Variants in UXS1 observed in about 807,000 individuals in gnomAD.
UXS1 encodes UDP-glucuronate decarboxylase 1.
UXS1 carries 33 observed loss-of-function variants against 62.6 expected under a neutral mutation model. The observed-to-expected ratio is 0.53, with a 90% CI of 0.40 to 0.70. The LOEUF is 0.70. UXS1 is among the 30% of genes least tolerant of loss of function. UXS1 has a pLI of 0.00. For missense variants in UXS1, 434 were observed against 556.3 expected (o/e 0.78, Z 2.21); for synonymous variants, 213 against 206.8 (o/e 1.03, Z -0.26).
At chr2:106,187,841 C>T (rs550592105) in intron 1 of UXS1, among the ~76,000 whole-genome samples, 4 of 151,696 alleles carry the variant, frequency 2.6e-5, no homozygotes, top group Non-Finnish European at 5.9e-5. Context: ...TCCGGGTTCA[C>T]GAGATTCTCC....
chr2:106,138,996 G>T, intron 6 of UXS1: 1 of 448,362 alleles, frequency 2.2e-6, no homozygotes, highest in Non-Finnish European at 2.9e-6. Flanking sequence ...AGAGGTGCTA[G>T]GTAAACAGTA....
chr2:106,185,376 C>T (rs1284738413), intron 1 of UXS1, among the ~76,000 whole-genome samples: 1 of 152,230 alleles, frequency 6.6e-6, no homozygotes, highest in East Asian at 1.9e-4. Context: ...CTACAGAACA[C>T]TTCTGATACC....
chr2:106,109,046 G>A (rs1188354119), intron 10 of UXS1, among the ~76,000 whole-genome samples: 1 of 152,034 alleles, frequency 6.6e-6, no homozygotes, highest in Non-Finnish European at 1.5e-5. Context: ...ATCCTGTTAG[G>A]TTGGTTTAGC....
chr2:106,166,781 CTGAG>C (rs1399405630), intron 1 of UXS1, among the ~76,000 whole-genome samples: 1 of 151,288 alleles, frequency 6.6e-6, no homozygotes, highest in East Asian at 2.0e-4. Flanking sequence ...CCTCCGCCTC[CTGAG>C]TAAGTGGGAC....
chr2:106,097,087 C>T (rs1375062319), intron 13 of UXS1: 1 of 585,678 alleles, frequency 1.7e-6, no homozygotes, highest in Admixed American at 2.2e-5. Context: ...TCTGTCTCAA[C>T]AGGCCTGAGT....
Position 106,093,878 on chromosome 2 carries a change from C to T in UXS1, c.*148G>A. The T allele has an allele frequency of 2.7e-6, 3 of 1,130,260 alleles. No homozygotes were observed. Among genetic ancestry groups the T allele is most frequent in the Non-Finnish European group, 3.6e-6 (3 of 841,768 alleles). The allele number at this position is 1,130,260 out of a possible 1,614,324, so 70.0% of individuals were successfully genotyped here. ...TTTGAGGGGAGCTTTTAGGCACATC[C>T]ATTTCATTAAAGCAAGCTTCAGAAT... is the stretch of plus-strand genomic sequence containing the variant. On this transcript the variant is annotated 3_prime_UTR_variant, in exon 15 of 15. Coordinates refer to ENST00000283148, the MANE Select transcript of UXS1 (RefSeq NM_001253875.2).
At chr2:106,173,869 C>A (rs1683712988) in intron 1 of UXS1, among the ~76,000 whole-genome samples, 1 of 152,184 alleles carries the variant, frequency 6.6e-6, no homozygotes, top group South Asian at 2.1e-4. Context: ...GGCCCATGGG[C>A]CACAGTTTGC....
At chr2:106,096,183 GGTGTGTGTGT>G (rs61524060) in intron 14 of UXS1, among the ~76,000 whole-genome samples, 5 of 151,700 alleles carry the variant, frequency 3.3e-5, no homozygotes, top group Admixed American at 1.3e-4. Context: ...CACAGTCAGG[GGTGTGTGTGT>G]GTGTGTGTGT....
At chr2:106,144,934 A>G (rs186161074) in intron 6 of UXS1, among the ~76,000 whole-genome samples, 1 of 152,304 alleles carries the variant, frequency 6.6e-6, no homozygotes, top group Non-Finnish European at 1.5e-5. Context: ...GTACTACAGG[A>G]AAGTTACTTC....
intron 3 of UXS1, among the ~76,000 whole-genome samples, chr2:106,164,469 C>G (rs1163337000): frequency 6.6e-6 from 1 of 152,162 alleles, no homozygotes; most frequent in Non-Finnish European, 1.5e-5. Flanking sequence ...AATCACTTCC[C>G]TTTCTCTAAA....
At chr2:106,144,666 G>T (rs1314037499) in intron 6 of UXS1, among the ~76,000 whole-genome samples, 1 of 152,118 alleles carries the variant, frequency 6.6e-6, no homozygotes, top group Non-Finnish European at 1.5e-5. Flanking sequence ...CAAGATCAAG[G>T]GGTTGGCAGA....
At chr2:106,158,853 A>G (rs1479786246) in intron 4 of UXS1, among the ~76,000 whole-genome samples, 1 of 152,212 alleles carries the variant, frequency 6.6e-6, no homozygotes, top group South Asian at 2.1e-4. Context: ...TGTGAATCCT[A>G]AGGAAACGGT....
At chr2:106,123,299 GGA>G (rs559569198) in intron 8 of UXS1, among the ~76,000 whole-genome samples, 3,254 of 146,792 alleles carry the variant, frequency 0.022, 58 homozygotes, top group Admixed American at 0.05. Context: ...TACTTACAGG[GGA>G]AAAAAAAAAA....
chr2:106,100,336 A>G (rs1901457), intron 12 of UXS1, among the ~76,000 whole-genome samples: 113,466 of 152,096 alleles, frequency 0.75, 42,634 homozygotes, highest in South Asian at 0.78. Context: ...GAGGCAGCTT[A>G]GGGGGTAGGA....
intron 10 of UXS1, among the ~76,000 whole-genome samples, chr2:106,108,809 A>G (rs1251698726): frequency 1.3e-5 from 2 of 152,162 alleles, no homozygotes; most frequent in African/African-American, 2.4e-5. Context: ...TGTGTTTAAG[A>G]TGTAACAAAG....
At chr2:106,146,114 A>T (rs762498679) in intron 5 of UXS1, among the ~76,000 whole-genome samples, 2 of 152,242 alleles carry the variant, frequency 1.3e-5, no homozygotes, top group Non-Finnish European at 2.9e-5. Context: ...AGTTGAACAC[A>T]GGTATTTTAT....
intron 5 of UXS1, among the ~76,000 whole-genome samples, chr2:106,152,398 C>T (rs1423840051): frequency 6.7e-6 from 1 of 148,894 alleles, no homozygotes; most frequent in Non-Finnish European, 1.5e-5. Context: ...GTTGCAGTGA[C>T]CCAAGATCAT....
intron 1 of UXS1, among the ~76,000 whole-genome samples, chr2:106,186,704 G>C (rs1684579602): frequency 6.6e-6 from 1 of 152,080 alleles, no homozygotes; most frequent in Non-Finnish European, 1.5e-5. Flanking sequence ...TGTAGTCCCA[G>C]CTACTCAGGA....
At position 106,093,499 on chromosome 2, in the gene UXS1, G is replaced by A. The variant is rs554345088; in HGVS notation, c.*527C>T. ...AGTTTGCAACTCAAAAGTAGACCTT[G>A]GAAAAACTCTGAATTAAAAGAGAAA... On this transcript the variant is annotated 3_prime_UTR_variant, in exon 15 of 15. Coordinates refer to ENST00000283148, the MANE Select transcript of UXS1 (RefSeq NM_001253875.2). 2 of 151,972 alleles carry A rather than the reference G, an allele frequency of 1.3e-5. No individual in the cohort carries two copies. Among genetic ancestry groups the A allele is most frequent in the African/African-American group, 4.9e-5 (2 of 41,176 alleles). 9.4% of individuals were successfully genotyped at this position (151,972 alleles called of 1,614,324 possible). A position where few individuals can be genotyped will look rare whatever the true frequency, so the allele number is the denominator to read the frequency against.
Sources: gnomAD v4.1 joint callset for allele counts (sites outside exome capture counted in the v4.1 genomes callset) on GRCh38, gnomAD v4.1.1 for gene constraint, MANE v1.5 for transcripts, NCBI Gene and HGNC (gene_info 2026-07-23, HGNC 2026-07-21) for gene names.